FARSA: variants seen among roughly 807,000 people sequenced by gnomAD.
The protein encoded by FARSA is phenylalanine--tRNA ligase alpha subunit.
FARSA carries 37 observed loss-of-function variants against 63.2 expected under a neutral mutation model. The ratio of observed to expected loss-of-function variants is 0.59; its 90% confidence interval spans 0.45 to 0.77. The LOEUF (loss-of-function observed/expected upper bound fraction) is 0.77, where lower values mean the gene tolerates loss of function less well. Ranked by LOEUF, FARSA falls within the 30% of genes least tolerant of loss-of-function variation. The pLI is 0.00. For missense variants in FARSA, 618 were observed against 696.6 expected (o/e 0.89, Z 1.27); for synonymous variants, 312 against 285.1 (o/e 1.09, Z -0.95).
chr19:12,922,580 G>C lies in FARSA; in HGVS notation c.*168C>G. The C allele has an allele frequency of 1.2e-6, 1 of 804,076 alleles. No homozygotes were observed. Among genetic ancestry groups the C allele is most frequent in the South Asian group, 1.8e-5 (1 of 56,260 alleles). 49.8% of individuals were successfully genotyped at this position (804,076 alleles called of 1,614,324 possible). ...CCACACAGGACAACAGAAGGAACCT[G>C]CTACCCAGTCCTCTGTCCCTGGGAT... On this transcript the variant is annotated 3_prime_UTR_variant, in exon 13 of 13. Transcript: ENST00000314606.
chr19:12,923,624 C>T (rs2145992965), intron 12 of FARSA, among the ~76,000 whole-genome samples: 1 of 152,322 alleles, frequency 6.6e-6, no homozygotes, highest in Middle Eastern at 3.4e-3. Flanking sequence ...GGATTACAGG[C>T]ACCTGCTACC....
chr19:12,933,194 C>CTTG (rs1165531448), intron 1 of FARSA: 3 of 286,518 alleles, frequency 1.0e-5, no homozygotes, highest in African/African-American at 2.3e-5. Context: ...CTCCCTGACC[C>CTTG]CCAAGGCTGG....
In FARSA at chr19:12,930,703, G is replaced by GCA. The variant is rs1568445634; in HGVS notation, c.192_193dup (p.Ala65ValfsTer96). 1 of 1,612,596 alleles carries GCA rather than the reference G, an allele frequency of 6.2e-7. No individual in the cohort carries two copies. Among genetic ancestry groups the GCA allele is most frequent in the South Asian group, 1.1e-5 (1 of 91,080 alleles). ...CTCCCGGGCAATCTCCTCGCCCTCC[G>GCA]CAGTAAGCTCCCAGTGCTTGGTGGA... On this transcript the variant is annotated frameshift_variant, in exon 2 of 13. Coordinates refer to ENST00000314606, the MANE Select transcript of FARSA (RefSeq NM_004461.3). LOFTEE classifies it high-confidence loss of function.
intron 7 of FARSA, among the ~76,000 whole-genome samples, chr19:12,927,670 T>G (rs1014468809): frequency 3.7e-5 from 5 of 133,872 alleles, no homozygotes; most frequent in African/African-American, 1.4e-4. Flanking sequence ...AGGTGGAAAT[T>G]GCAGTGAGCT....
rs1971351029 is a variant in FARSA, at chr19:12,928,366, G to C, written c.817C>G (p.Gln273Glu). Residue 273 changes from glutamine to glutamate, a missense_variant, in exon 7 of 13, where the codon CAG becomes GAG. Gln to Glu is a conservative substitution (Grantham distance 29). Transcript: ENST00000314606. ...FQPQQHPARD[Q>E]HDTFFLRDPA... ...CCTCGAAGGAAGAAGGTGTCGTGCTGGTCACGGGCTGGGTGCTGCTGGGGC... is the reference window on the plus strand; with the variant it reads ...CCTCGAAGGAAGAAGGTGTCGTGCTCGTCACGGGCTGGGTGCTGCTGGGGC... The C allele has an allele frequency of 6.2e-7, 1 of 1,614,076 alleles. No individual in the cohort carries two copies.
chr19:12,922,637 G>A lies in FARSA; in HGVS notation c.*111C>T, dbSNP rs758534022. 1.5e-6 allele frequency: 2 copies of A among 1,371,156 alleles called. No homozygotes were observed. The highest frequency in any genetic ancestry group is 4.0e-5 in the Admixed American group (2 of 50,438). 84.9% of individuals were successfully genotyped at this position (1,371,156 alleles called of 1,614,324 possible). On this transcript the variant is annotated 3_prime_UTR_variant, in exon 13 of 13. Coordinates refer to ENST00000314606, the MANE Select transcript of FARSA (RefSeq NM_004461.3). ...CCTGGGACAGGTGGGAAAGAGGAAG[G>A]TGGGGGCTGGCCTCACAGAGGCCTC...
rs772874371 is a variant in FARSA at position 12,924,771 on chromosome 19, G to T, written c.1063C>A (p.Arg355Ser). 6.2e-7 allele frequency: 1 copy of T among 1,602,812 alleles called. No individual in the cohort carries two copies. The highest frequency in any genetic ancestry group is 1.3e-5 in the African/African-American group (1 of 74,816). Residue 355 changes from arginine (R) to serine (S), a missense_variant, in exon 10 of 13, where the codon CGC becomes AGC. Physicochemically the swap from Arg to Ser is moderately radical, Grantham distance 110 (BLOSUM62 -1). Coordinates refer to ENST00000314606, the MANE Select transcript of FARSA (RefSeq NM_004461.3). The surrounding 1 kb of genome is among the most constrained non-coding windows in gnomAD (Gnocchi z 6.4). ...FTPVKYFSID[R>S]VFRNETLDAT... is the part of the protein sequence containing the mutation. The stretch of plus-strand genomic sequence containing the variant: ...TCCAGGGTCTCATTCCGGAATACGC[G>T]GTCGATGGAGAAGTACTTGACCGGA...
chr19:12,931,557 G>A (rs142664768), intron 1 of FARSA, among the ~76,000 whole-genome samples: 169 of 152,166 alleles, frequency 1.1e-3, no homozygotes, highest in African/African-American at 4.0e-3. Flanking sequence ...CGCCGTGCCC[G>A]GCCCTTTAAA....
At chr19:12,933,239 C>T (rs1457205976) in intron 1 of FARSA, 1 of 366,654 alleles carries the variant, frequency 2.7e-6, no homozygotes, top group Non-Finnish European at 5.0e-6. Flanking sequence ...TGTTTTCCCC[C>T]ATCACTCTGG....
At position 12,924,827 on chromosome 19, in the gene FARSA, C is replaced by A. The variant is rs754958871; in HGVS notation, c.1027-20G>T. Reference sequence around the variant, plus strand: ...GGGCTTCTAGGGGTGACAACCGAGCCAGGCCCAGGTATGGGTCAGAAGGTC... The same window carrying A: ...GGGCTTCTAGGGGTGACAACCGAGCAAGGCCCAGGTATGGGTCAGAAGGTC... On this transcript the variant is annotated intron_variant, in intron 9 of 12. Coordinates refer to ENST00000314606, the MANE Select transcript of FARSA (RefSeq NM_004461.3). The surrounding 1 kb of genome is among the most constrained non-coding windows in gnomAD (Gnocchi z 6.4). The A allele has an allele frequency of 1.9e-6, 3 of 1,611,778 alleles. No individual in the cohort carries two copies. In the East Asian group the frequency reaches 6.7e-5, roughly 36 times the overall value.
At chr19:12,931,216 C>T (rs1056528326) in intron 1 of FARSA, among the ~76,000 whole-genome samples, 1 of 152,124 alleles carries the variant, frequency 6.6e-6, no homozygotes, top group Admixed American at 6.5e-5. Context: ...CCGCCAGTCC[C>T]GAGTAGCTGG....
At position 12,928,670 on chromosome 19, in the gene FARSA, G is replaced by A; in HGVS notation, c.597-7C>T. 1.9e-6 allele frequency: 3 copies of A among 1,613,110 alleles called. No homozygotes were observed. The highest frequency in any genetic ancestry group is 2.5e-6 in the Non-Finnish European group (3 of 1,179,518). On this transcript the variant is annotated splice_region_variant and splice_polypyrimidine_tract_variant and intron_variant, in intron 5 of 12. Coordinates refer to ENST00000314606, the MANE Select transcript of FARSA (RefSeq NM_004461.3). Reference sequence around the variant, plus strand: ...CCGGTCCCGCCAAGAGCCACTGGGGGAGGATGCAAGGGCCTGGTAAGGGCT... The same window carrying A: ...CCGGTCCCGCCAAGAGCCACTGGGGAAGGATGCAAGGGCCTGGTAAGGGCT...
chr19:12,925,297 C>T, intron 7 of FARSA, 123 bp from the exon 8 acceptor site: 1 of 712,422 alleles, frequency 1.4e-6, no homozygotes, highest in Non-Finnish European at 2.4e-6. Context: ...CTTACTGCAA[C>T]CTCTGCCTCC....
chr19:12,928,327 T>TA lies in FARSA; in HGVS notation c.841+14dup. On this transcript the variant is annotated intron_variant, in intron 7 of 12. Coordinates refer to ENST00000314606, the MANE Select transcript of FARSA (RefSeq NM_004461.3). The stretch of plus-strand genomic sequence containing the variant: ...TGTCTCTCATGTCTCAGGGAGGCCC[T>TA]AGGGGCTGACCCACCTCGAAGGAAG... 1 of 1,610,478 alleles carries TA rather than the reference T, an allele frequency of 6.2e-7. No homozygotes were observed. The highest frequency in any genetic ancestry group is 8.5e-7 in the Non-Finnish European group (1 of 1,177,332).
chr19:12,924,629 C>T lies in FARSA; in HGVS notation c.1195+10G>A. On this transcript the variant is annotated intron_variant, in intron 10 of 12. Transcript: ENST00000314606. The surrounding 1 kb of genome is among the most constrained non-coding windows in gnomAD (Gnocchi z 6.4). ...TCACCACCATGGCCCACCCCTGCCC[C>T]CCTGCTCACCCAGCTTGGTGAAGAA... 3 of 1,607,502 alleles carry T rather than the reference C, an allele frequency of 1.9e-6. No individual in the cohort carries two copies. Among genetic ancestry groups the T allele is most frequent in the South Asian group, 1.1e-5 (1 of 90,272 alleles).
At chr19:12,923,283 GTCT>G (rs1425330117) in intron 12 of FARSA, among the ~76,000 whole-genome samples, 3 of 152,138 alleles carry the variant, frequency 2.0e-5, no homozygotes, top group Admixed American at 6.6e-5. Flanking sequence ...ACACACTTCT[GTCT>G]TCTTTTGCTG....
rs1207320982 is a variant in FARSA at position 12,922,730 on chromosome 19, G to T, written c.*18C>A. 1.2e-6 allele frequency: 2 copies of T among 1,612,784 alleles called. No individual in the cohort carries two copies. Among genetic ancestry groups the T allele is most frequent in the Non-Finnish European group, 1.7e-6 (2 of 1,179,992 alleles). On this transcript the variant is annotated 3_prime_UTR_variant, in exon 13 of 13. Coordinates refer to ENST00000314606, the MANE Select transcript of FARSA (RefSeq NM_004461.3). Reference sequence around the variant, plus strand: ...AGCAGGGACTCGGGGAGGATGACCTGTCCTAGAGTGGCCCATGTCACGCAG... The same window carrying T: ...AGCAGGGACTCGGGGAGGATGACCTTTCCTAGAGTGGCCCATGTCACGCAG...
chr19:12,933,667 C>T lies in FARSA; in HGVS notation c.30G>A (p.Leu10=), dbSNP rs1339506943. ...CATCAGACGCCTCCAGCCGCCGGAGCAGCAGTTCCGCCACCTGACCATCCG... is the reference window on the plus strand; with the variant it reads ...CATCAGACGCCTCCAGCCGCCGGAGTAGCAGTTCCGCCACCTGACCATCCG... MADGQVAEL[L]LRRLEASDGG... Residue 10 remains leucine (L), a synonymous_variant, in exon 1 of 13, where the codon CTG becomes CTA. Coordinates refer to ENST00000314606, the MANE Select transcript of FARSA (RefSeq NM_004461.3). 1.3e-6 allele frequency: 2 copies of T among 1,570,812 alleles called. No homozygotes were observed. Among genetic ancestry groups the T allele is most frequent in the African/African-American group, 1.4e-5 (1 of 73,960 alleles).
chr19:12,930,784 G>A, intron 1 of FARSA, 35 bp from the exon 2 acceptor site: 1 of 1,600,900 alleles, frequency 6.2e-7, no homozygotes. Flanking sequence ...TCCAGGCAGG[G>A]GTGAGGCTCA....
Sources: allele counts gnomAD v4.1 joint callset (sites outside exome capture counted in the v4.1 genomes callset), GRCh38; gene constraint gnomAD v4.1.1; non-coding constraint Gnocchi (gnomAD v3.1); transcripts MANE v1.5; gene names NCBI Gene and HGNC (gene_info 2026-07-23, HGNC 2026-07-21).